Variants in U2SURP observed in about 807,000 individuals in gnomAD.
U2SURP encodes U2 snRNP associated SURP domain containing.
U2SURP carries 9 observed loss-of-function variants against 144.9 expected under a neutral mutation model. The ratio of observed to expected loss-of-function variants is 0.06; its 90% CI spans 0.04 to 0.11. The LOEUF is 0.11. U2SURP is among the 10% of genes least tolerant of loss of function. The probability of loss-of-function intolerance (pLI) is 1.00; values close to 1 mark genes in which losing one functional copy is unlikely to be tolerated. For synonymous variants in U2SURP, 408 were observed against 396.8 expected, an observed-to-expected ratio of 1.03 and a Z score of -0.33; for missense variants, 724 against 1,226.7, an observed-to-expected ratio of 0.59 and a Z score of 6.12.
At chr3:143,016,809 AT>A in intron 5 of U2SURP, 32 bp from the exon 6 acceptor site, 1 of 1,489,682 alleles carries the variant, frequency 6.7e-7, no homozygotes, top group Non-Finnish European at 8.9e-7. Flanking sequence ...ATATTGCGAA[AT>A]TAGTTTTGAA....
chr3:143,049,424 G>T (rs1934730204), intron 24 of U2SURP, among the ~76,000 whole-genome samples: 1 of 152,114 alleles, frequency 6.6e-6, no homozygotes, highest in African/African-American at 2.4e-5. Context: ...CCATTTAAAG[G>T]ATATATCAGT....
intron 19 of U2SURP, among the ~76,000 whole-genome samples, chr3:143,035,265 A>G (rs1295825259): frequency 6.6e-6 from 1 of 152,172 alleles, no homozygotes; most frequent in Non-Finnish European, 1.5e-5. Flanking sequence ...AATGGTATAT[A>G]CTATTTGGCT....
At chr3:143,019,114 C>T (rs1162255542) in intron 6 of U2SURP, among the ~76,000 whole-genome samples, 1 of 151,850 alleles carries the variant, frequency 6.6e-6, no homozygotes, top group East Asian at 1.9e-4. Context: ...GATACTTGGC[C>T]CACTTTTTAA....
At chr3:143,007,969 A>C (rs1935930972) in intron 1 of U2SURP, among the ~76,000 whole-genome samples, 1 of 152,214 alleles carries the variant, frequency 6.6e-6, no homozygotes, top group Non-Finnish European at 1.5e-5. Flanking sequence ...TTCCGTGCTG[A>C]ATGCTATGTA....
intron 1 of U2SURP, among the ~76,000 whole-genome samples, chr3:143,004,526 A>AT (rs1250919544): frequency 9.8e-6 from 1 of 102,300 alleles, no homozygotes; most frequent in African/African-American, 4.0e-5. Context: ...CAATTTTTGT[A>AT]TTTTTAGTAG....
At chr3:143,018,579 C>T (rs541279767) in intron 6 of U2SURP, among the ~76,000 whole-genome samples, 12 of 151,936 alleles carry the variant, frequency 7.9e-5, no homozygotes, top group African/African-American at 2.7e-4. Context: ...ATACACACAC[C>T]GAGAAGTGGA....
Position 143,056,318 on chromosome 3 carries a change from A to G in U2SURP, c.2958A>G (p.Pro986=), listed in dbSNP as rs1273403765. Reference sequence around the variant, plus strand: ...TTTTTGTTTGTTTCCTTAGATCACCATCTGGTTCAAGGACACCTAAAAGGT... The same window carrying G: ...TTTTTGTTTGTTTCCTTAGATCACCGTCTGGTTCAAGGACACCTAAAAGGT... ...RDVSKKAKRS[P]SGSRTPKRSR... is the part of the protein sequence containing the mutation. Residue 986 remains proline, a synonymous_variant, in exon 28 of 28, where the codon CCA becomes CCG. Coordinates refer to ENST00000473835, the MANE Select transcript of U2SURP (RefSeq NM_001080415.2). 1.9e-6 allele frequency: 3 copies of G among 1,603,346 alleles called. No individual in the cohort carries two copies. The highest frequency in any genetic ancestry group is 2.6e-6 in the Non-Finnish European group (3 of 1,174,402).
intron 1 of U2SURP, among the ~76,000 whole-genome samples, chr3:143,004,503 A>G (rs1351303954): frequency 7.3e-6 from 1 of 136,606 alleles, no homozygotes; most frequent in Non-Finnish European, 1.5e-5. Context: ...AGCTGGGACT[A>G]CAGGCGCCTG....
At chr3:143,003,014 C>T (rs1008912334) in intron 1 of U2SURP, among the ~76,000 whole-genome samples, 1 of 152,166 alleles carries the variant, frequency 6.6e-6, no homozygotes, top group African/African-American at 2.4e-5. Context: ...AAGCTAGCTA[C>T]GTTCATAACA....
intron 24 of U2SURP, among the ~76,000 whole-genome samples, chr3:143,050,710 G>C (rs1418936809): frequency 6.6e-6 from 1 of 152,176 alleles, no homozygotes; most frequent in African/African-American, 2.4e-5. Flanking sequence ...AGTTCTTACA[G>C]CCATGAAGCA....
At chr3:143,007,979 A>C (rs1392126426) in intron 1 of U2SURP, among the ~76,000 whole-genome samples, 1 of 152,236 alleles carries the variant, frequency 6.6e-6, no homozygotes, top group Non-Finnish European at 1.5e-5. Context: ...AATGCTATGT[A>C]GCTGTAGGTA....
Position 143,036,118 on chromosome 3 carries a change from A to G in U2SURP, c.2064+14A>G, listed in dbSNP as rs776413636. 2 of 1,585,252 alleles carry G rather than the reference A, an allele frequency of 1.3e-6. No homozygotes were observed. Among genetic ancestry groups the G allele is most frequent in the South Asian group, 1.2e-5 (1 of 85,844 alleles). On this transcript the variant is annotated intron_variant, in intron 20 of 27. Transcript: ENST00000473835. ...AAGGAAACAGAGGTAGGCAGTCTGT[A>G]TTTGTCTGGTTGTTTTTAAAATTCG...
intron 24 of U2SURP, among the ~76,000 whole-genome samples, chr3:143,045,363 C>T (rs1484152298): frequency 3.9e-5 from 4 of 102,072 alleles, no homozygotes; most frequent in Middle Eastern, 4.2e-3. Context: ...AGTGAGACGC[C>T]GTCAAAAAAA....
In U2SURP at chr3:143,022,927, A is replaced by G; in HGVS notation, c.1093A>G (p.Ile365Val). 1.2e-6 allele frequency: 2 copies of G among 1,612,992 alleles called. No homozygotes were observed. The highest frequency in any genetic ancestry group is 1.7e-6 in the Non-Finnish European group (2 of 1,179,496). The change falls in exon 12 of 28, where the codon ATT (isoleucine) becomes GTT (valine). Residue 365 changes from isoleucine to valine, a missense_variant. By Grantham distance (29) the Ile-to-Val change is conservative. This residue lies in a region of U2SURP where 64 missense variants were observed against 164.1 expected (regional missense o/e 0.39). Transcript: ENST00000473835. ...ACCTATTCCTCCACATCCAATATAC[A>G]TTCCGCCTTCTATGATGGAACATAC... ...AVPIPPHPIY[I>V]PPSMMEHTLP...
intron 6 of U2SURP, among the ~76,000 whole-genome samples, chr3:143,017,534 G>A: frequency 6.7e-6 from 1 of 150,228 alleles, no homozygotes; most frequent in South Asian, 2.1e-4. Flanking sequence ...AGTAAGCCTG[G>A]TTTTTTTTGT....
chr3:143,014,458 A>T (rs759093905), intron 4 of U2SURP, 49 bp downstream of exon 4: 1 of 1,313,262 alleles, frequency 7.6e-7, no homozygotes, highest in Non-Finnish European at 1.1e-6. Context: ...GAATGTGTCT[A>T]AGGGGTTAGT....
chr3:143,022,401 G>A (rs1043711851), intron 10 of U2SURP, 96 bp from the exon 11 acceptor site: 4 of 1,246,046 alleles, frequency 3.2e-6, no homozygotes, highest in Non-Finnish European at 3.2e-6. Flanking sequence ...ACGTTGCTAT[G>A]TTGCTTTTTA....
chr3:143,004,052 C>T (rs1935688613), intron 1 of U2SURP, among the ~76,000 whole-genome samples: 1 of 152,100 alleles, frequency 6.6e-6, no homozygotes, highest in Non-Finnish European at 1.5e-5. Flanking sequence ...ATCATTTTGG[C>T]TAATACTACA....
chr3:143,025,290 C>T, intron 13 of U2SURP, among the ~76,000 whole-genome samples: 1 of 152,138 alleles, frequency 6.6e-6, no homozygotes, highest in East Asian at 1.9e-4. Context: ...GGTAGCTTTA[C>T]ATGTATGTGG....
Sources: gnomAD v4.1 joint callset for allele counts (sites outside exome capture counted in the v4.1 genomes callset) on GRCh38, gnomAD v4.1.1 for gene constraint, gnomAD v4.1.1 regional missense constraint, MANE v1.5 for transcripts, NCBI Gene and HGNC (gene_info 2026-07-23, HGNC 2026-07-21) for gene names.